Variants in RFX7 observed in about 807,000 individuals in gnomAD.
RFX7 encodes the protein DNA-binding protein RFX7.
In RFX7, 26 loss-of-function variants were observed where a neutral mutation model predicts 111.8. That is an observed-to-expected ratio of 0.23 (90% CI 0.17 to 0.32). RFX7 has a LOEUF of 0.32. Ranked by LOEUF, RFX7 falls within the 10% of genes least tolerant of loss-of-function variation. The pLI, the probability that RFX7 is intolerant of heterozygous loss-of-function variation, is 1.00. For synonymous variants in RFX7, 624 were observed against 624.4 expected (o/e 1.00, Z 0.01); for missense variants, 1,573 against 1,772.9 (o/e 0.89, Z 2.02).
chr15:56,188,615 C>A (rs1324785097), intron 2 of RFX7, among the ~76,000 whole-genome samples: 2 of 152,176 alleles, frequency 1.3e-5, no homozygotes, highest in African/African-American at 4.8e-5. Flanking sequence ...ACATAGTAAA[C>A]TGATTTGCAG....
At chr15:56,125,001 T>A (rs1228058904) in intron 5 of RFX7, among the ~76,000 whole-genome samples, 3 of 152,226 alleles carry the variant, frequency 2.0e-5, no homozygotes, top group African/African-American at 7.2e-5. Context: ...TACATTTATG[T>A]CTTTGATCCA....
chr15:56,171,855 T>C (rs115940669), intron 3 of RFX7, among the ~76,000 whole-genome samples: 2,797 of 152,276 alleles, frequency 0.018, 81 homozygotes, highest in African/African-American at 0.063. Context: ...TTGGATTATA[T>C]GGGCCTAGAG....
chr15:56,221,491 T>C (rs1301321741), intron 2 of RFX7, among the ~76,000 whole-genome samples: 1 of 152,182 alleles, frequency 6.6e-6, no homozygotes, highest in African/African-American at 2.4e-5. Flanking sequence ...CAGTATATAG[T>C]TGGAGCTTGC....
intron 3 of RFX7, among the ~76,000 whole-genome samples, chr15:56,157,395 A>G (rs2042665974): frequency 6.6e-6 from 1 of 152,188 alleles, no homozygotes; most frequent in South Asian, 2.1e-4. Flanking sequence ...TGTAAGATAT[A>G]AAGTAGGGAC....
At chr15:56,136,936 T>C (rs1306380002) in intron 5 of RFX7, among the ~76,000 whole-genome samples, 8 of 149,600 alleles carry the variant, frequency 5.3e-5, no homozygotes, top group African/African-American at 1.5e-4. Context: ...TTTGTGTATA[T>C]TGAACCAGCC....
At chr15:56,185,380 T>A (rs902441367) in intron 2 of RFX7, among the ~76,000 whole-genome samples, 17 of 152,178 alleles carry the variant, frequency 1.1e-4, no homozygotes, top group Admixed American at 7.2e-4. Context: ...ATTCTCTATT[T>A]ATCTGCTAGA....
chr15:56,230,832 C>T (rs747106812), intron 2 of RFX7, among the ~76,000 whole-genome samples: 8 of 152,280 alleles, frequency 5.3e-5, no homozygotes, highest in East Asian at 1.9e-4. Context: ...CAGTGGCTCA[C>T]GCCTGTAATC....
chr15:56,124,705 T>G (rs934247351), intron 5 of RFX7, among the ~76,000 whole-genome samples: 21 of 152,226 alleles, frequency 1.4e-4, no homozygotes, highest in Non-Finnish European at 2.9e-4. Context: ...CAATCAGATT[T>G]TTCTTTGCGG....
intron 3 of RFX7, among the ~76,000 whole-genome samples, chr15:56,160,287 A>G (rs1324198919): frequency 6.6e-6 from 1 of 152,078 alleles, no homozygotes; most frequent in African/African-American, 2.4e-5. Context: ...AAGATGATCA[A>G]TCAGGGTATC....
rs540783316 is a variant in RFX7 at position 56,203,504 on chromosome 15, G to C, written c.162-24201C>G. Among the ~76,000 whole-genome samples the C allele has an allele frequency of 4.6e-5, 7 of 152,292 alleles. No individual in the cohort carries two copies. The South Asian group carries it at 1.4e-3, about 32-fold the overall frequency. ...AACCAGAGCAACTCCATCTTAAATAGGAGCTGGGTAAAATGAGGCTGAAAC... is the reference window on the plus strand; with the variant it reads ...AACCAGAGCAACTCCATCTTAAATACGAGCTGGGTAAAATGAGGCTGAAAC... On this transcript the variant is annotated intron_variant, in intron 2 of 9. Coordinates refer to ENST00000559447, the MANE Select transcript of RFX7 (RefSeq NM_022841.7).
In RFX7 at chr15:56,093,788, G is replaced by A. The variant is rs762049238; in HGVS notation, c.3940C>T (p.Pro1314Ser). 5 of 1,613,778 alleles carry A rather than the reference G, an allele frequency of 3.1e-6. No individual in the cohort carries two copies. Among genetic ancestry groups the A allele is most frequent in the Non-Finnish European group, 4.2e-6 (5 of 1,179,842 alleles). Reference sequence around the variant, plus strand: ...CTATTACTTTTGGTGAGGTAAGATGGTGTTTGGAACTCATAAACAGAAGTG... The same window carrying A: ...CTATTACTTTTGGTGAGGTAAGATGATGTTTGGAACTCATAAACAGAAGTG... ...SSTSVYEFQT[P>S]SYLTKSNSTG... The change falls in exon 10 of 10, where the codon CCA (proline) becomes TCA (serine). Residue 1314 changes from proline (P) to serine (S), a missense_variant. Transcript: ENST00000559447.
chr15:56,206,180 A>G (rs535767599), intron 2 of RFX7, among the ~76,000 whole-genome samples: 1 of 152,332 alleles, frequency 6.6e-6, no homozygotes, highest in African/African-American at 2.4e-5. Flanking sequence ...AGTGGAAGCA[A>G]TGCATGTGTC....
intron 5 of RFX7, among the ~76,000 whole-genome samples, chr15:56,107,335 G>GT (rs372523526): frequency 6.7e-4 from 77 of 114,654 alleles, no homozygotes; most frequent in African/African-American, 1.2e-3. Flanking sequence ...AGAAAGAATT[G>GT]TTTTTTTTTT....
intron 3 of RFX7, among the ~76,000 whole-genome samples, chr15:56,154,826 A>C (rs1159515247): frequency 1.3e-5 from 2 of 152,254 alleles, no homozygotes; most frequent in African/African-American, 4.8e-5. Context: ...AAAAGAAACT[A>C]TCATCAGAGT....
rs2041539798 is a variant in RFX7 at position 56,087,347 on chromosome 15, C to A, written c.*5998G>T. On this transcript the variant is annotated 3_prime_UTR_variant, in exon 10 of 10. Coordinates refer to ENST00000559447, the MANE Select transcript of RFX7 (RefSeq NM_022841.7). Reference sequence around the variant, plus strand: ...CACATCCAGAGGTAAGCAGTCAGGACTAGTTGGGCATCTTCCCTTCCAAAG... The same window carrying A: ...CACATCCAGAGGTAAGCAGTCAGGAATAGTTGGGCATCTTCCCTTCCAAAG... The A allele has an allele frequency of 8.9e-6, 4 of 450,100 alleles. No homozygotes were observed. Among genetic ancestry groups the A allele is most frequent in the Admixed American group, 2.4e-5 (1 of 42,164 alleles). The allele number at this position is 450,100 out of a possible 1,614,324, so 27.9% of individuals were successfully genotyped here.
chr15:56,125,755 AT>A (rs1251603733), intron 5 of RFX7, among the ~76,000 whole-genome samples: 1 of 152,082 alleles, frequency 6.6e-6, no homozygotes, highest in African/African-American at 2.4e-5. Context: ...TTACAAAAGG[AT>A]AGTAGGCAAA....
chr15:56,120,355 G>C (rs2042061060), intron 5 of RFX7, among the ~76,000 whole-genome samples: 1 of 152,144 alleles, frequency 6.6e-6, no homozygotes, highest in African/African-American at 2.4e-5. Context: ...ATTGTATCCT[G>C]CAACTTTACT....
intron 6 of RFX7, 87 bp from the exon 7 acceptor site, chr15:56,102,340 G>GAA (rs142841844): frequency 5.0e-5 from 34 of 674,734 alleles, no homozygotes; most frequent in Admixed American, 2.1e-4. Flanking sequence ...TATGAAATGA[G>GAA]AAAAAAAAAT....
At chr15:56,244,033 G>T (rs1332264581), upstream of RFX7, 22 of 151,022 alleles carry the variant, frequency 1.5e-4, no homozygotes, top group African/African-American at 5.3e-4. Context: ...GCCGCTGGGG[G>T]CCGGGAGGAG....
Sources: allele counts gnomAD v4.1 joint callset (sites outside exome capture counted in the v4.1 genomes callset), GRCh38; gene constraint gnomAD v4.1.1; transcripts MANE v1.5; gene names NCBI Gene and HGNC (gene_info 2026-07-23, HGNC 2026-07-21).